CBX7: variants seen among roughly 807,000 people sequenced by gnomAD.
CBX7 encodes chromobox 7.
Under a neutral mutation model 31.4 loss-of-function variants are expected in CBX7, and 14 were observed. That is an observed-to-expected ratio of 0.45 (90% CI 0.29 to 0.70). CBX7 has a LOEUF of 0.70. CBX7 is among the 30% of genes least tolerant of loss of function. The pLI, the probability that CBX7 is intolerant of heterozygous loss-of-function variation, is 0.11. For missense variants in CBX7, 269 were observed against 351.9 expected, an observed-to-expected ratio of 0.76 and a Z score of 1.89; for synonymous variants, 159 against 152.6, an observed-to-expected ratio of 1.04 and a Z score of -0.31.
Position 39,134,515 on chromosome 22 carries a change from T to C in CBX7, c.484A>G (p.Asn162Asp). The C allele has an allele frequency of 6.2e-7, 1 of 1,612,178 alleles. No homozygotes were observed. Among genetic ancestry groups the C allele is most frequent in the South Asian group, 1.1e-5 (1 of 90,998 alleles). Residue 162 changes from asparagine (N) to aspartate (D), a missense_variant, in exon 5 of 6, where the codon AAC becomes GAC. Asn to Asp is a conservative substitution (Grantham distance 23). Coordinates refer to ENST00000216133, the MANE Select transcript of CBX7 (RefSeq NM_175709.5). ...SRKKFPPRGP[N>D]LESHSHRREL... is the part of the protein sequence containing the mutation. ...CGTCGATGGCTGTGGCTCTCCAGGT[T>C]GGGCCCGCGGGGCGGGAACTTCTTG...
chr22:39,134,282 C>T, intron 5 of CBX7, 119 bp downstream of exon 5: 3 of 970,834 alleles, frequency 3.1e-6, no homozygotes, highest in Non-Finnish European at 4.4e-6. Flanking sequence ...GGCCCTGAGC[C>T]CAGACCCGAC....
intron 3 of CBX7, chr22:39,141,166 C>G (rs961460563): frequency 2.8e-5 from 15 of 533,178 alleles, no homozygotes; most frequent in African/African-American, 2.6e-4. Context: ...TGACCGAGAT[C>G]ACCCAACAAC....
At chr22:39,142,140 C>G (rs537908380) in intron 2 of CBX7, among the ~76,000 whole-genome samples, 1 of 152,332 alleles carries the variant, frequency 6.6e-6, no homozygotes, top group African/African-American at 2.4e-5. Flanking sequence ...CGACCTTGAG[C>G]AACTTCCTGA....
At position 39,152,328 on chromosome 22, in the gene CBX7, G is replaced by T; in HGVS notation, c.69+48C>A. ...GCGTGGAGGGAGCGGTGCTGGGGAC[G>T]GGAGGGACCCCACTGGGGTCCTGGG... On this transcript the variant is annotated intron_variant, in intron 1 of 5. Transcript: ENST00000216133. This position sits in a 1 kb window ranked among gnomAD's most constrained non-coding sequence, Gnocchi z 4.9. 1 of 1,262,778 alleles carries T rather than the reference G, an allele frequency of 7.9e-7. No individual in the cohort carries two copies. Among genetic ancestry groups the T allele is most frequent in the African/African-American group, 1.6e-5 (1 of 63,866 alleles). The allele number at this position is 1,262,778 out of a possible 1,614,324, so 78.2% of individuals were successfully genotyped here.
chr22:39,140,202 T>C (rs796273710), intron 3 of CBX7, among the ~76,000 whole-genome samples: 64 of 152,264 alleles, frequency 4.2e-4, no homozygotes, highest in African/African-American at 1.5e-3. Context: ...ACGGCACCTA[T>C]TGCAAATGTC....
chr22:39,142,107 A>G (rs764620250), intron 2 of CBX7, among the ~76,000 whole-genome samples: 15 of 152,140 alleles, frequency 9.9e-5, no homozygotes, highest in Non-Finnish European at 2.2e-4. Context: ...GTTCAAGTCC[A>G]TCTCTGCCCC....
Position 39,152,306 on chromosome 22 carries a change from T to G in CBX7, c.69+70A>C. The G allele has an allele frequency of 4.9e-6, 5 of 1,027,118 alleles. No individual in the cohort carries two copies. Among genetic ancestry groups the G allele is most frequent in the African/African-American group, 1.7e-5 (1 of 59,044 alleles). 63.6% of individuals were successfully genotyped at this position (1,027,118 alleles called of 1,614,324 possible). On this transcript the variant is annotated intron_variant, in intron 1 of 5. Coordinates refer to ENST00000216133, the MANE Select transcript of CBX7 (RefSeq NM_175709.5). The surrounding 1 kb of genome is among the most constrained non-coding windows in gnomAD (Gnocchi z 4.9). The stretch of plus-strand genomic sequence containing the variant: ...CCCGCTTTCCCCTTCAGCCCCAGCG[T>G]GGAGGGAGCGGTGCTGGGGACGGGA...
At chr22:39,149,914 G>T in intron 1 of CBX7, 82 bp from the exon 2 acceptor site, 2 of 1,093,776 alleles carry the variant, frequency 1.8e-6, no homozygotes, top group Non-Finnish European at 2.8e-6. Context: ...GCCCAAAGGA[G>T]CCCAGCTCCA....
chr22:39,143,918 T>C (rs1180353384), intron 2 of CBX7, among the ~76,000 whole-genome samples: 2 of 152,250 alleles, frequency 1.3e-5, no homozygotes, highest in African/African-American at 2.4e-5. Context: ...TGTATCCTTG[T>C]CATTAACCGA....
intron 3 of CBX7, among the ~76,000 whole-genome samples, chr22:39,139,347 G>A: frequency 6.6e-6 from 1 of 152,162 alleles, no homozygotes; most frequent in East Asian, 1.9e-4. Context: ...CAGTTTGGGA[G>A]GCTGAGGTGG....
intron 4 of CBX7, chr22:39,136,471 T>C (rs1930257850): frequency 3.3e-5 from 5 of 152,474 alleles, no homozygotes; most frequent in Admixed American, 2.6e-4. Flanking sequence ...GTGGCTGCAC[T>C]GTAAGGACAC....
rs1302522390 is a variant in CBX7, at chr22:39,152,468, C to T, written c.-24G>A. 6.4e-6 allele frequency: 7 copies of T among 1,087,802 alleles called. No individual in the cohort carries two copies. The highest frequency in any genetic ancestry group is 1.0e-4 in the East Asian group (2 of 20,014). 67.4% of individuals were successfully genotyped at this position (1,087,802 alleles called of 1,614,324 possible). A position where few individuals can be genotyped will look rare whatever the true frequency, so the allele number is the denominator to read the frequency against. On this transcript the variant is annotated 5_prime_UTR_variant, in exon 1 of 6. Transcript: ENST00000216133. The surrounding 1 kb of genome is among the most constrained non-coding windows in gnomAD (Gnocchi z 4.9). ...ATGCGGGGCGGCGGGCGAGCGGGCCCGGGGCCGGGCCGGGCCGGGGGCGGA... is the reference window on the plus strand; with the variant it reads ...ATGCGGGGCGGCGGGCGAGCGGGCCTGGGGCCGGGCCGGGCCGGGGGCGGA...
At chr22:39,145,103 G>A (rs903866614) in intron 2 of CBX7, among the ~76,000 whole-genome samples, 1 of 152,200 alleles carries the variant, frequency 6.6e-6, no homozygotes, top group Admixed American at 6.5e-5. Context: ...AGGGCGCGGC[G>A]CACAGTGAGC....
At position 39,138,631 on chromosome 22, in the gene CBX7, G is replaced by A; in HGVS notation, c.246+5C>T. 1.9e-6 allele frequency: 3 copies of A among 1,613,878 alleles called. No individual in the cohort carries two copies. Among genetic ancestry groups the A allele is most frequent in the Non-Finnish European group, 1.7e-6 (2 of 1,179,708 alleles). On this transcript the variant is annotated splice_donor_5th_base_variant and intron_variant, in intron 4 of 5. Transcript: ENST00000216133. ...AGAAAGGAGGCACAAAGGCAGGCTGGTTACCTGCAGCAGAAGCCGCTTGGG... is the reference window on the plus strand; with the variant it reads ...AGAAAGGAGGCACAAAGGCAGGCTGATTACCTGCAGCAGAAGCCGCTTGGG...
chr22:39,136,689 C>G (rs1020400762), intron 4 of CBX7: 1 of 152,386 alleles, frequency 6.6e-6, no homozygotes. Context: ...AAATTCCTGA[C>G]CCCCAGAAGC....
intron 2 of CBX7, among the ~76,000 whole-genome samples, chr22:39,143,835 G>GT (rs150438046): frequency 0.072 from 10,940 of 152,280 alleles, 396 homozygotes; most frequent in Middle Eastern, 0.15. Flanking sequence ...GCAGTGGGTT[G>GT]TACCATCTAG....
intron 4 of CBX7, among the ~76,000 whole-genome samples, chr22:39,137,260 C>A (rs1361570523): frequency 1.4e-5 from 2 of 147,370 alleles, no homozygotes; most frequent in African/African-American, 5.0e-5. Context: ...TTAGACTGCT[C>A]CAATGAACAC....
At chr22:39,134,079 C>T (rs772390544) in intron 5 of CBX7, 31 bp from the exon 6 acceptor site, 10 of 1,563,376 alleles carry the variant, frequency 6.4e-6, no homozygotes, top group Admixed American at 5.5e-5. Context: ...ATGGGGGCAG[C>T]GTTGACAAGG....
In CBX7 at chr22:39,131,425, G is replaced by A. The variant is rs1930034021; in HGVS notation, c.*2466C>T. ...CTACTGGGCCACTCTGGGCTGGAAG[G>A]AGGCCTGCACGGCCACAGCCGTAGG... is the stretch of plus-strand genomic sequence containing the variant. On this transcript the variant is annotated 3_prime_UTR_variant, in exon 6 of 6. Transcript: ENST00000216133. 1 of 152,854 alleles carries A rather than the reference G, an allele frequency of 6.5e-6. No homozygotes were observed. Among genetic ancestry groups the A allele is most frequent in the Admixed American group, 6.5e-5 (1 of 15,286 alleles). The allele number at this position is 152,854 out of a possible 1,614,324, so 9.5% of individuals were successfully genotyped here. A position where few individuals can be genotyped will look rare whatever the true frequency, so the allele number is the denominator to read the frequency against.
Sources: allele counts gnomAD v4.1 joint callset (sites outside exome capture counted in the v4.1 genomes callset), GRCh38; gene constraint gnomAD v4.1.1; non-coding constraint Gnocchi (gnomAD v3.1); transcripts MANE v1.5; gene names NCBI Gene and HGNC (gene_info 2026-07-23, HGNC 2026-07-21).